The following OR52N4 variants were observed in gnomAD, a reference collection of about 807,000 sequenced individuals.
The protein encoded by OR52N4 is olfactory receptor family 52 subfamily N member 4, also known as olfactory receptor 52N4.
In OR52N4, 15 loss-of-function variants were observed where a neutral mutation model predicts 15.0. That is an observed-to-expected ratio of 1.00 (90% CI 0.67 to 1.54). OR52N4 has a LOEUF of 1.54. Ranked by LOEUF, OR52N4 falls within the 40% of genes most tolerant of loss-of-function variation. The pLI is 0.00. For missense variants in OR52N4, 421 were observed against 394.0 expected (o/e 1.07, Z -0.58); for synonymous variants, 143 against 143.7 (o/e 1.00, Z 0.03).
At chr11:5,742,621 T>G in the OR52N4 span, among the ~76,000 whole-genome samples, 1 of 152,142 alleles carries the variant, frequency 6.6e-6, no homozygotes, top group Admixed American at 6.5e-5. Context: ...AGCTAAAAAT[T>G]TTGTGTTCTG....
At chr11:5,744,487 A>G in the OR52N4 span, among the ~76,000 whole-genome samples, 1 of 152,356 alleles carries the variant, frequency 6.6e-6, no homozygotes, top group East Asian at 1.9e-4. Context: ...CCAACAGGAC[A>G]TTAAAAAGAT....
chr11:5,736,779 C>A, the OR52N4 span: 1 of 1,614,064 alleles, frequency 6.2e-7, no homozygotes, highest in Non-Finnish European at 8.5e-7. Context: ...ACTATCATCC[C>A]TAAGATCCTG....
chr11:5,751,372 T>C (rs1239724079), upstream of OR52N4, among the ~76,000 whole-genome samples: 1 of 151,994 alleles, frequency 6.6e-6, no homozygotes, highest in Non-Finnish European at 1.5e-5. Flanking sequence ...TTTTCCACTT[T>C]GTATTCTCTG....
chr11:5,740,615 C>T, the OR52N4 span, among the ~76,000 whole-genome samples: 2 of 124,902 alleles, frequency 1.6e-5, 1 homozygote, highest in Non-Finnish European at 3.5e-5. Context: ...TGAGACCAGC[C>T]TGGGCAGTGA....
At chr11:5,737,446 C>T in the OR52N4 span, 2 of 1,613,854 alleles carry the variant, frequency 1.2e-6, no homozygotes, top group Non-Finnish European at 1.7e-6. Flanking sequence ...TTAGGGCAGC[C>T]TTCCAAAAGG....
At chr11:5,735,361 G>A in the OR52N4 span, among the ~76,000 whole-genome samples, 1 of 152,022 alleles carries the variant, frequency 6.6e-6, no homozygotes. Context: ...GATTGTAATA[G>A]TAAATAAATA....
At chr11:5,737,350 T>C in the OR52N4 span, 2 of 1,614,156 alleles carry the variant, frequency 1.2e-6, no homozygotes, top group South Asian at 2.2e-5. Flanking sequence ...TGAAGGCTAC[T>C]TTGATTCCAG....
upstream of OR52N4, among the ~76,000 whole-genome samples, chr11:5,750,542 T>C (rs541497135): frequency 1.8e-4 from 27 of 152,108 alleles, no homozygotes; most frequent in East Asian, 5.2e-3. Context: ...CACTATTGAA[T>C]AGTTTATACT....
the OR52N4 span, among the ~76,000 whole-genome samples, chr11:5,747,398 T>C: frequency 2.0e-5 from 3 of 152,086 alleles, no homozygotes; most frequent in Non-Finnish European, 4.4e-5. Flanking sequence ...CTACAGGTCA[T>C]AGAAATGTAG....
chr11:5,736,959 C>T, the OR52N4 span: 3 of 1,614,104 alleles, frequency 1.9e-6, no homozygotes, highest in Non-Finnish European at 2.5e-6. Context: ...GTCACCAGTT[C>T]CTTAATCTTA....
the OR52N4 span, among the ~76,000 whole-genome samples, chr11:5,739,207 A>G: frequency 2.4e-5 from 3 of 125,502 alleles, 1 homozygote; most frequent in Non-Finnish European, 5.2e-5. Flanking sequence ...AAGAAAATTT[A>G]TGTTTGACAT....
chr11:5,737,750 T>C, the OR52N4 span: 1 of 330,472 alleles, frequency 3.0e-6, no homozygotes, highest in East Asian at 5.2e-5. Context: ...TAATGATTGA[T>C]ATCTATCTCT....
chr11:5,755,341 G>T lies in OR52N4; in HGVS notation c.601G>T (p.Gly201Cys), dbSNP rs1854286505. Residue 201 changes from glycine (G) to cysteine (C), a missense_variant, in exon 2 of 2, where the codon GGT becomes TGT. Gly to Cys is a radical substitution (Grantham distance 159). Transcript: ENST00000641350. ...TAATGTCAAGGTCAATGCCATCTAT[G>T]GTCTGATGGTTGCCCTCCTGATTTG... The part of the protein sequence containing the change: ...CGNVKVNAIY[G>C]LMVALLIWGF... 6.2e-7 allele frequency: 1 copy of T among 1,614,048 alleles called. No homozygotes were observed. Among genetic ancestry groups the T allele is most frequent in the South Asian group, 1.1e-5 (1 of 91,086 alleles).
At chr11:5,727,123 A>G in the OR52N4 span, 1 of 152,848 alleles carries the variant, frequency 6.5e-6, no homozygotes, top group Admixed American at 6.5e-5. Flanking sequence ...ACTGTTGGTC[A>G]CTGGGGTTGA....
Position 5,754,896 on chromosome 11 carries a change from C to A in OR52N4, c.156C>A (p.His52Gln). The A allele has an allele frequency of 6.2e-7, 1 of 1,613,618 alleles. No individual in the cohort carries two copies. The highest frequency in any genetic ancestry group is 8.5e-7 in the Non-Finnish European group (1 of 1,179,614). ...ATTGTGGACTCCTCTACCTCATTCA[C>A]TATGAGGATGCCCTGCACAAACCCA... ...VGNCGLLYLI[H>Q]YEDALHKPMY... The change falls in exon 2 of 2, where the codon CAC becomes CAA. Residue 52 changes from histidine (H) to glutamine (Q), a missense_variant. Transcript: ENST00000641350.
the OR52N4 span, among the ~76,000 whole-genome samples, chr11:5,749,084 T>G: frequency 2.0e-5 from 3 of 151,818 alleles, no homozygotes; most frequent in Admixed American, 6.6e-5. Context: ...AGTTCAGACA[T>G]AAAGGAATTT....
Position 5,755,951 on chromosome 11 carries a change from C to G in OR52N4, c.*245C>G, listed in dbSNP as rs11601779. On this transcript the variant is annotated 3_prime_UTR_variant, in exon 2 of 2. Transcript: ENST00000641350. ...TCTAATAATTAAACCATATTTTATT[C>G]GACAAAACCTAATGAGTCCATTTTT... 2.2e-6 allele frequency: 1 copy of G among 455,036 alleles called. No individual in the cohort carries two copies. Among genetic ancestry groups the G allele is most frequent in the East Asian group, 3.7e-5 (1 of 27,326 alleles). The allele number at this position is 455,036 out of a possible 1,614,324, so 28.2% of individuals were successfully genotyped here.
chr11:5,733,031 C>G, the OR52N4 span, among the ~76,000 whole-genome samples: 1 of 152,104 alleles, frequency 6.6e-6, no homozygotes, highest in Non-Finnish European at 1.5e-5. Context: ...CCATCCATTT[C>G]TCTATATCTT....
chr11:5,730,341 G>A, the OR52N4 span, among the ~76,000 whole-genome samples: 151 of 151,742 alleles, frequency 1.0e-3, 1 homozygote, highest in Middle Eastern at 6.8e-3. Flanking sequence ...ACAGGTGCCC[G>A]CCACCATGCC....
Sources: allele counts gnomAD v4.1 joint callset (sites outside exome capture counted in the v4.1 genomes callset), GRCh38; gene constraint gnomAD v4.1.1; transcripts MANE v1.5; gene names NCBI Gene and HGNC (gene_info 2026-07-23, HGNC 2026-07-21).